Variants in MDM2 observed in about 807,000 individuals in gnomAD.
The protein encoded by MDM2 is MDM2 proto-oncogene.
MDM2 carries 11 observed loss-of-function variants against 64.3 expected under a neutral mutation model. That is an observed-to-expected ratio of 0.17 (90% CI 0.11 to 0.28). The LOEUF (loss-of-function observed/expected upper bound fraction) is 0.28, where lower values mean the gene tolerates loss of function less well. Among genes scored for constraint, MDM2 ranks in the 10% least tolerant of loss-of-function variants. MDM2 has a pLI of 1.00. For missense variants in MDM2, 388 were observed against 577.1 expected (o/e 0.67, Z 3.36); for synonymous variants, 194 against 192.9 (o/e 1.01, Z -0.05).
intron 4 of MDM2, 47 bp downstream of exon 4, chr12:68,816,992 T>G: frequency 1.3e-6 from 2 of 1,597,776 alleles, no homozygotes; most frequent in South Asian, 1.1e-5. Flanking sequence ...TGGGCTAACA[T>G]TTCAGTTCAC....
chr12:68,833,280 A>AATATATATATTTATATAATTATATATTT (rs1170236023), intron 8 of MDM2, among the ~76,000 whole-genome samples: 19 of 63,172 alleles, frequency 3.0e-4, no homozygotes, highest in East Asian at 2.0e-3. Context: ...TATTTATATA[A>AATATATATATTTATATAATTATATATTT]ATATAAATAT....
intron 5 of MDM2, among the ~76,000 whole-genome samples, chr12:68,823,777 A>G (rs1412381592): frequency 1.3e-5 from 2 of 152,198 alleles, no homozygotes; most frequent in African/African-American, 4.8e-5. Context: ...AATCCTTTTT[A>G]ATGGTGAGTG....
At chr12:68,808,574 G>T (rs1361876338) in intron 1 of MDM2, 83 bp downstream of exon 1, 3 of 1,591,260 alleles carry the variant, frequency 1.9e-6, no homozygotes, top group East Asian at 4.5e-5. Flanking sequence ...GCCTCTGCCC[G>T]TTCGCAGCCT....
chr12:68,832,511 T>A (rs935173066), intron 8 of MDM2, among the ~76,000 whole-genome samples: 8 of 152,066 alleles, frequency 5.3e-5, no homozygotes, highest in African/African-American at 1.7e-4. Context: ...CTTAAAAAAA[T>A]ATATATTTTT....
At chr12:68,828,388 G>C (rs1882510342) in intron 7 of MDM2, 1 of 161,804 alleles carries the variant, frequency 6.2e-6, no homozygotes, top group Admixed American at 5.9e-5. Flanking sequence ...AGGCAACATG[G>C]TGAAACCCTG....
chr12:68,815,433 CTTTTT>C (rs58178593), intron 3 of MDM2, among the ~76,000 whole-genome samples: 65 of 93,062 alleles, frequency 7.0e-4, no homozygotes, highest in African/African-American at 2.5e-3. Flanking sequence ...GTTTCTTCTT[CTTTTT>C]TTTTTTTTTT....
At chr12:68,833,126 CAAAAAAA>C (rs35815088) in intron 8 of MDM2, among the ~76,000 whole-genome samples, 706 of 61,654 alleles carry the variant, frequency 0.011, 5 homozygotes, top group African/African-American at 0.034. Flanking sequence ...ACTCTGTCTC[CAAAAAAA>C]AAAAAAAAAA....
At chr12:68,825,369 A>G (rs1283441142) in intron 7 of MDM2, among the ~76,000 whole-genome samples, 1 of 151,204 alleles carries the variant, frequency 6.6e-6, no homozygotes, top group Non-Finnish European at 1.5e-5. Context: ...ATGAAGAGAT[A>G]AGGGCCGGGC....
intron 5 of MDM2, among the ~76,000 whole-genome samples, chr12:68,823,483 C>T (rs890552582): frequency 1.3e-5 from 2 of 152,186 alleles, no homozygotes; most frequent in African/African-American, 4.8e-5. Context: ...ATCTTAACTC[C>T]TTTCTTCCTT....
chr12:68,817,868 G>A (rs1224366250), intron 4 of MDM2, among the ~76,000 whole-genome samples: 2 of 151,946 alleles, frequency 1.3e-5, no homozygotes, highest in African/African-American at 4.8e-5. Flanking sequence ...CATGATCTTG[G>A]CTCACTGCAA....
chr12:68,839,350 G>A lies in MDM2; in HGVS notation c.995G>A (p.Arg332His), dbSNP rs763077439. The A allele has an allele frequency of 3.6e-5, 58 of 1,613,738 alleles. No individual in the cohort carries two copies. The highest frequency in any genetic ancestry group is 1.1e-4 in the South Asian group (10 of 91,070). The change falls in exon 11 of 11, where the codon CGT (arginine) becomes CAT (histidine). Residue 332 changes from arginine to histidine, a missense_variant. Physicochemically the swap from Arg to His is conservative, Grantham distance 29 (BLOSUM62 0). This residue lies in a region of MDM2 where 138 missense variants were observed against 143.7 expected (regional missense o/e 0.96). Coordinates refer to ENST00000258149, the MANE Select transcript of MDM2 (RefSeq NM_002392.6). ...CATTGCAACAGATGTTGGGCCCTTCGTGAGAATTGGCTTCCTGAAGATAAA... is the reference window on the plus strand; with the variant it reads ...CATTGCAACAGATGTTGGGCCCTTCATGAGAATTGGCTTCCTGAAGATAAA... Reference protein sequence around the residue: ...PSHCNRCWALRENWLPEDKGK... With the variant: ...PSHCNRCWALHENWLPEDKGK...
At chr12:68,849,399 T>TTTG (rs1555190555), downstream of MDM2, 42 of 129,204 alleles carry the variant, frequency 3.3e-4, no homozygotes, top group African/African-American at 9.6e-4. Context: ...CGTTTTTTTT[T>TTTG]TTGTTGTTGT....
chr12:68,847,382 T>A (rs945250071), downstream of MDM2: 2 of 148,910 alleles, frequency 1.3e-5, no homozygotes, highest in African/African-American at 5.0e-5. Context: ...TGAGGTATTC[T>A]GTTCATACCA....
chr12:68,820,282 A>G lies in MDM2; in HGVS notation c.309-43A>G, dbSNP rs572446251. 38 of 1,419,538 alleles carry G rather than the reference A, an allele frequency of 2.7e-5. No homozygotes were observed. In the East Asian group the frequency reaches 8.0e-4, roughly 30 times the overall value. The allele number at this position is 1,419,538 out of a possible 1,614,324, so 87.9% of individuals were successfully genotyped here. ...CCAGCTTAATACAAATTTTTATTCT[A>G]AAATGTACATCTCTTGTTATTTTTT... On this transcript the variant is annotated intron_variant, in intron 4 of 10. Transcript: ENST00000258149.
At chr12:68,824,674 C>T (rs773525546) in intron 7 of MDM2, 23 bp downstream of exon 7, 65 of 1,376,210 alleles carry the variant, frequency 4.7e-5, no homozygotes, top group African/African-American at 1.2e-4. Flanking sequence ...ATTTATTTGA[C>T]GCATTCACAC....
At chr12:68,814,056 GT>G (rs1015536197) in intron 3 of MDM2, among the ~76,000 whole-genome samples, 1 of 151,976 alleles carries the variant, frequency 6.6e-6, no homozygotes, top group Non-Finnish European at 1.5e-5. Context: ...TAAATATAAT[GT>G]TTTTTTGTTT....
In MDM2 at chr12:68,813,544, C is replaced by T; in HGVS notation, c.100-10C>T. 1 of 1,603,886 alleles carries T rather than the reference C, an allele frequency of 6.2e-7. No homozygotes were observed. The highest frequency in any genetic ancestry group is 8.5e-7 in the Non-Finnish European group (1 of 1,172,674). ...TTGGAAGTATAATAGCAGTTCTTTT[C>T]TCTTTATAGGTTAGACCAAAGCCAT... On this transcript the variant is annotated splice_polypyrimidine_tract_variant and intron_variant, in intron 2 of 10. Coordinates refer to ENST00000258149, the MANE Select transcript of MDM2 (RefSeq NM_002392.6).
chr12:68,842,456 A>C lies in MDM2; in HGVS notation c.*2607A>C. On this transcript the variant is annotated 3_prime_UTR_variant, in exon 11 of 11. Transcript: ENST00000258149. ...TCTCCTTTGGAGACTTAGAACCTCT[A>C]AATTATTGACTTATTTTTTATATAA... 2.3e-6 allele frequency: 1 copy of C among 427,640 alleles called. No individual in the cohort carries two copies. Among genetic ancestry groups the C allele is most frequent in the East Asian group, 5.0e-5 (1 of 20,180 alleles). 26.5% of individuals were successfully genotyped at this position (427,640 alleles called of 1,614,324 possible).
chr12:68,849,254 T>C (rs1165649248), downstream of MDM2: 2 of 150,878 alleles, frequency 1.3e-5, no homozygotes, highest in South Asian at 2.1e-4. Context: ...CACACCTGGC[T>C]AGTTTTTGTA....
Sources: gnomAD v4.1 joint callset for allele counts (sites outside exome capture counted in the v4.1 genomes callset) on GRCh38, gnomAD v4.1.1 for gene constraint, gnomAD v4.1.1 regional missense constraint, MANE v1.5 for transcripts, NCBI Gene and HGNC (gene_info 2026-07-23, HGNC 2026-07-21) for gene names.